The following LPIN2 variants were observed in gnomAD, a reference collection of about 807,000 sequenced individuals.
The protein encoded by LPIN2 is phosphatidate phosphatase LPIN2.
LPIN2 carries 55 observed loss-of-function variants against 111.4 expected under a neutral mutation model. That is an observed-to-expected ratio of 0.49 (90% CI 0.40 to 0.62). LPIN2 has a LOEUF of 0.62. LPIN2 is among the 20% of genes least tolerant of loss of function. LPIN2 has a pLI of 0.00. For synonymous variants in LPIN2, 425 were observed against 414.0 expected, an observed-to-expected ratio of 1.03 and a Z score of -0.32; for missense variants, 992 against 1,112.1, an observed-to-expected ratio of 0.89 and a Z score of 1.54.
chr18:2,937,273 G>A (rs1035615784), intron 7 of LPIN2, among the ~76,000 whole-genome samples: 2 of 152,104 alleles, frequency 1.3e-5, no homozygotes, highest in African/African-American at 4.8e-5. Flanking sequence ...CCTGGGCACG[G>A]TGGCTCACAC....
chr18:2,955,702 G>T (rs1020838834), intron 2 of LPIN2, among the ~76,000 whole-genome samples: 1 of 152,150 alleles, frequency 6.6e-6, no homozygotes, highest in African/African-American at 2.4e-5. Context: ...GGTCACCTGA[G>T]GTCAAGAGTT....
intron 1 of LPIN2, among the ~76,000 whole-genome samples, chr18:2,998,110 A>C (rs1379562817): frequency 6.6e-6 from 1 of 152,222 alleles, no homozygotes; most frequent in African/African-American, 2.4e-5. Context: ...CACTGGGACC[A>C]CAATGGAATC....
At chr18:3,006,246 T>C (rs1433067116) in intron 1 of LPIN2, among the ~76,000 whole-genome samples, 2 of 152,210 alleles carry the variant, frequency 1.3e-5, no homozygotes, top group Admixed American at 6.5e-5. Flanking sequence ...GTAGAAGGCA[T>C]CAGCACCACT....
chr18:2,948,658 T>C (rs573343753), intron 4 of LPIN2, among the ~76,000 whole-genome samples: 1 of 152,260 alleles, frequency 6.6e-6, no homozygotes, highest in South Asian at 2.1e-4. Context: ...TAAAAATATT[T>C]TCAGGAACGA....
intron 4 of LPIN2, chr18:2,946,573 G>A (rs748586551): frequency 2.7e-5 from 30 of 1,129,720 alleles, no homozygotes; most frequent in East Asian, 1.2e-4. Context: ...CCCAAACACC[G>A]GGAACAGCAA....
At chr18:2,950,974 TC>T in intron 4 of LPIN2, 80 bp downstream of exon 4, 1 of 1,435,730 alleles carries the variant, frequency 7.0e-7, no homozygotes. Flanking sequence ...ACACTGTGTA[TC>T]CATAAAAAAA....
chr18:2,960,763 G>A lies in LPIN2; in HGVS notation c.78C>T (p.Thr26=). ...CGATGACATCAATGCACCCAGAGAG[G>A]GTGGCCTGGTTAATGCCCTTGTAGA... ...KELYKGINQA[T]LSGCIDVIVV... The change falls in exon 2 of 20, where the codon ACC becomes ACT. Residue 26 remains threonine, a synonymous_variant. Coordinates refer to ENST00000677752, the MANE Select transcript of LPIN2 (RefSeq NM_001375808.2). 1 of 1,614,056 alleles carries A rather than the reference G, an allele frequency of 6.2e-7. No homozygotes were observed.
At chr18:2,971,393 A>G (rs2077907596) in intron 1 of LPIN2, among the ~76,000 whole-genome samples, 1 of 152,162 alleles carries the variant, frequency 6.6e-6, no homozygotes, top group Admixed American at 6.5e-5. Flanking sequence ...AGGTCACAAG[A>G]TGGGATCTGT....
intron 6 of LPIN2, among the ~76,000 whole-genome samples, chr18:2,938,545 A>G (rs1324492542): frequency 6.6e-6 from 1 of 152,126 alleles, no homozygotes; most frequent in Non-Finnish European, 1.5e-5. Flanking sequence ...TGTACGTTAA[A>G]TGTTCTACTG....
intron 1 of LPIN2, among the ~76,000 whole-genome samples, chr18:2,971,030 GACCTT>G (rs1394151306): frequency 6.6e-6 from 1 of 152,152 alleles, no homozygotes; most frequent in East Asian, 1.9e-4. Context: ...TGGCGGCCCA[GACCTT>G]TACTCAACGA....
At chr18:3,001,890 G>A (rs1350110664) in intron 1 of LPIN2, among the ~76,000 whole-genome samples, 1 of 152,084 alleles carries the variant, frequency 6.6e-6, no homozygotes. Flanking sequence ...ACTACTTAAG[G>A]GAAGGAAAAT....
At chr18:2,923,952 A>C in intron 15 of LPIN2, 91 bp from the exon 16 acceptor site, 1 of 1,004,756 alleles carries the variant, frequency 1.0e-6, no homozygotes, top group Non-Finnish European at 1.6e-6. Context: ...CCAATAACTA[A>C]TTGGTGGCGG....
intron 1 of LPIN2, among the ~76,000 whole-genome samples, chr18:2,992,484 C>T (rs1398240589): frequency 1.3e-5 from 2 of 152,146 alleles, no homozygotes; most frequent in Admixed American, 1.3e-4. Context: ...GATGGTTGTA[C>T]AACATAGTAA....
intron 1 of LPIN2, among the ~76,000 whole-genome samples, chr18:2,996,067 G>A (rs904740906): frequency 3.3e-5 from 5 of 152,130 alleles, no homozygotes; most frequent in African/African-American, 7.2e-5. Flanking sequence ...ACGGCCGGGC[G>A]CTGTGGCTCA....
At chr18:2,931,757 T>C (rs748307614) in intron 8 of LPIN2, among the ~76,000 whole-genome samples, 3 of 152,082 alleles carry the variant, frequency 2.0e-5, no homozygotes, top group Non-Finnish European at 4.4e-5. Context: ...AGGAGTAAAA[T>C]AGTTATAAGT....
At chr18:2,989,555 G>C (rs1202285977) in intron 1 of LPIN2, among the ~76,000 whole-genome samples, 1 of 152,158 alleles carries the variant, frequency 6.6e-6, no homozygotes, top group East Asian at 1.9e-4. Flanking sequence ...AAGGGGCCCT[G>C]ACTAGCCAAA....
chr18:2,987,915 TGTA>T (rs2078209712), intron 1 of LPIN2, among the ~76,000 whole-genome samples: 1 of 147,198 alleles, frequency 6.8e-6, no homozygotes, highest in South Asian at 2.1e-4. Flanking sequence ...GGCTCACGCC[TGTA>T]ATCCCAGCTA....
chr18:2,929,737 C>A (rs2077187384), intron 9 of LPIN2, among the ~76,000 whole-genome samples: 1 of 152,102 alleles, frequency 6.6e-6, no homozygotes, highest in African/African-American at 2.4e-5. Context: ...GAAAACCCAT[C>A]TCTACTAAAA....
chr18:2,946,186 C>T, intron 4 of LPIN2: 4 of 1,609,570 alleles, frequency 2.5e-6, no homozygotes, highest in Non-Finnish European at 2.6e-6. Context: ...TTTTTAATTC[C>T]AAATTTGTCA....
Sources: allele counts gnomAD v4.1 joint callset (sites outside exome capture counted in the v4.1 genomes callset), GRCh38; gene constraint gnomAD v4.1.1; transcripts MANE v1.5; gene names NCBI Gene and HGNC (gene_info 2026-07-23, HGNC 2026-07-21).